Variants in TINAG observed in about 807,000 individuals in gnomAD.
TINAG encodes the protein tubulointerstitial nephritis antigen.
TINAG carries 83 observed loss-of-function variants against 72.7 expected under a neutral mutation model. The observed-to-expected ratio is 1.14, with a 90% CI of 0.96 to 1.37. TINAG has a LOEUF of 1.37. Among genes scored for constraint, TINAG ranks in the 40% most tolerant of loss-of-function variants. TINAG has a pLI of 0.00. For synonymous variants in TINAG, 234 were observed against 189.9 expected, an observed-to-expected ratio of 1.23 and a Z score of -1.91; for missense variants, 685 against 576.6, an observed-to-expected ratio of 1.19 and a Z score of -1.93.
intron 9 of TINAG, among the ~76,000 whole-genome samples, chr6:54,355,481 A>G (rs964509863): frequency 6.6e-6 from 1 of 151,920 alleles, no homozygotes; most frequent in Non-Finnish European, 1.5e-5. Context: ...GTCAGTTCTA[A>G]GCTATGTAGA....
chr6:54,349,981 A>T (rs3736350), intron 7 of TINAG, 85 bp downstream of exon 7: 156,770 of 803,104 alleles, frequency 0.2, 15,514 homozygotes, highest in African/African-American at 0.21. Context: ...TTAAAAACTA[A>T]TTAAAACTAT....
chr6:54,372,268 A>G (rs1763641471), intron 9 of TINAG, among the ~76,000 whole-genome samples: 1 of 152,154 alleles, frequency 6.6e-6, no homozygotes, highest in South Asian at 2.1e-4. Flanking sequence ...CTGGGATTAC[A>G]GGTGTGAGCC....
intron 10 of TINAG, among the ~76,000 whole-genome samples, chr6:54,387,464 TA>T (rs67423357): frequency 0.12 from 17,821 of 151,912 alleles, 1,866 homozygotes; most frequent in East Asian, 0.34. Context: ...TATTTTGAGC[TA>T]AAAAAAAGTC....
intron 9 of TINAG, among the ~76,000 whole-genome samples, chr6:54,364,768 A>ATATCTATC (rs531839524): frequency 2.6e-5 from 4 of 151,316 alleles, no homozygotes; most frequent in South Asian, 2.1e-4. Flanking sequence ...TGATATCTCT[A>ATATCTATC]TATCTATCTA....
intron 9 of TINAG, among the ~76,000 whole-genome samples, chr6:54,365,788 G>C (rs557019468): frequency 4.6e-5 from 7 of 151,620 alleles, no homozygotes; most frequent in African/African-American, 1.7e-4. Flanking sequence ...GAGCTACCTT[G>C]GTCTGTATCT....
At chr6:54,360,291 A>G (rs1331498083) in intron 9 of TINAG, among the ~76,000 whole-genome samples, 1 of 151,686 alleles carries the variant, frequency 6.6e-6, no homozygotes, top group African/African-American at 2.4e-5. Context: ...TGCTATGGCT[A>G]TAGATGCATT....
intron 4 of TINAG, among the ~76,000 whole-genome samples, chr6:54,334,016 T>C (rs1256266016): frequency 1.3e-5 from 2 of 152,134 alleles, no homozygotes; most frequent in Non-Finnish European, 2.9e-5. Context: ...ATCATATTGG[T>C]TTTTCCCTTT....
At position 54,324,358 on chromosome 6, in the gene TINAG, G is replaced by A. The variant is rs551528726; in HGVS notation, c.510-2444G>A. On this transcript the variant is annotated intron_variant, in intron 3 of 10. Transcript: ENST00000259782. ...TGGTGCAGGATGTTAATTGGGCCAT[G>A]TTTCTCCAGCAGGCTAGCTTTGGCT... Among the ~76,000 whole-genome samples, 3 of 152,244 alleles carry A rather than the reference G, an allele frequency of 2.0e-5. No individual in the cohort carries two copies. In the South Asian group the frequency reaches 6.2e-4, roughly 32 times the overall value.
At chr6:54,307,954 C>A, upstream of TINAG, 1 of 1,348,106 alleles carries the variant, frequency 7.4e-7, no homozygotes. Context: ...GCCTTGAAAT[C>A]AAAACGCTTC....
chr6:54,318,470 C>T (rs1261010625), intron 1 of TINAG, among the ~76,000 whole-genome samples: 2 of 152,086 alleles, frequency 1.3e-5, no homozygotes, highest in Non-Finnish European at 2.9e-5. Flanking sequence ...CTTTGAGTTA[C>T]CTCCAAGTTA....
At chr6:54,380,325 TG>T (rs1763908521) in intron 9 of TINAG, among the ~76,000 whole-genome samples, 200 bp from the exon 10 acceptor site, 1 of 152,284 alleles carries the variant, frequency 6.6e-6, no homozygotes, top group Admixed American at 6.5e-5. Context: ...GAGTCTGTTC[TG>T]TGCACATAAA....
rs192572048 is a variant in TINAG at position 54,378,429 on chromosome 6, A to G, written c.1251-2097A>G. On this transcript the variant is annotated intron_variant, in intron 9 of 10. Coordinates refer to ENST00000259782, the MANE Select transcript of TINAG (RefSeq NM_014464.4). ...TGTTTTAAATGAGCGTCTTAAAATT[A>G]TATATAATAAACATGTTTCTTGAAA... Among the ~76,000 whole-genome samples the G allele has an allele frequency of 1.3e-3, 204 of 152,288 alleles. 3 individuals carry two copies. The highest frequency in any genetic ancestry group is 3.6e-3 in the African/African-American group (148 of 41,562).
At chr6:54,347,302 G>T in intron 5 of TINAG, 65 bp from the exon 6 acceptor site, 5 of 1,551,576 alleles carry the variant, frequency 3.2e-6, no homozygotes, top group Non-Finnish European at 4.4e-6. Context: ...AACAAAAAGG[G>T]TTATGTACCT....
chr6:54,355,398 G>T lies in TINAG; in HGVS notation c.1250+762G>T, dbSNP rs78314096. Among the ~76,000 whole-genome samples, 1,250 of 151,474 alleles carry T rather than the reference G, an allele frequency of 8.3e-3. 123 individuals are homozygous for T. In the East Asian group the frequency reaches 0.21, roughly 26 times the overall value. ...ATGTCTTTAATGACTTAATTTTATT[G>T]AGCCTACGCAAAACAACCTCACCTA... On this transcript the variant is annotated intron_variant, in intron 9 of 10. Coordinates refer to ENST00000259782, the MANE Select transcript of TINAG (RefSeq NM_014464.4).
intron 10 of TINAG, among the ~76,000 whole-genome samples, chr6:54,384,902 A>G (rs2150985129): frequency 6.6e-6 from 1 of 152,306 alleles, no homozygotes; most frequent in South Asian, 2.1e-4. Flanking sequence ...TTAAGTGCAC[A>G]TGAAATATTT....
chr6:54,333,060 C>A (rs1784777929), intron 4 of TINAG, among the ~76,000 whole-genome samples: 2 of 152,074 alleles, frequency 1.3e-5, no homozygotes, highest in African/African-American at 2.4e-5. Flanking sequence ...GGCAGTGGGG[C>A]AGTTCCTCAA....
At chr6:54,354,478 T>C (rs964130717) in intron 8 of TINAG, 35 bp from the exon 9 acceptor site, 1 of 1,571,996 alleles carries the variant, frequency 6.4e-7, no homozygotes, top group Non-Finnish European at 8.6e-7. Flanking sequence ...GATATTTTAA[T>C]ACTGTGCCAT....
chr6:54,327,497 C>G (rs1784635497), intron 4 of TINAG, among the ~76,000 whole-genome samples: 1 of 152,134 alleles, frequency 6.6e-6, no homozygotes, highest in Admixed American at 6.6e-5. Flanking sequence ...CTACCAGGAC[C>G]CTGGGTTTCA....
At position 54,326,865 on chromosome 6, in the gene TINAG, C is replaced by T. The variant is rs1326415930; in HGVS notation, c.573C>T (p.Arg191=). 3 of 1,613,122 alleles carry T rather than the reference C, an allele frequency of 1.9e-6. No homozygotes were observed. Among genetic ancestry groups the T allele is most frequent in the East Asian group, 2.2e-5 (1 of 44,838 alleles). ...GMTLEDGFKF[R]LGTLPPSPML... ...CTTTAGAAGATGGTTTTAAATTTCG[C>T]CTTGGCACTTTGCCACCTAGTCCCA... Residue 191 remains arginine, a synonymous_variant, in exon 4 of 11, where the codon CGC becomes CGT. Transcript: ENST00000259782.
Sources: gnomAD v4.1 joint callset for allele counts (sites outside exome capture counted in the v4.1 genomes callset) on GRCh38, gnomAD v4.1.1 for gene constraint, MANE v1.5 for transcripts, NCBI Gene and HGNC (gene_info 2026-07-23, HGNC 2026-07-21) for gene names.